FGF10: variants seen among roughly 807,000 people sequenced by gnomAD.
FGF10 encodes the protein fibroblast growth factor 10, also known as FGF-10.
Under a neutral mutation model 19.8 loss-of-function variants are expected in FGF10, and 2 were observed. The ratio of observed to expected loss-of-function variants is 0.10; its 90% CI spans 0.04 to 0.32. The LOEUF (loss-of-function observed/expected upper bound fraction) is 0.32, where lower values mean the gene tolerates loss of function less well. Ranked by LOEUF, FGF10 falls within the 10% of genes least tolerant of loss-of-function variation. FGF10 has a pLI of 1.00. For synonymous variants in FGF10, 112 were observed against 94.0 expected, an observed-to-expected ratio of 1.19 and a Z score of -1.10; for missense variants, 191 against 246.3, an observed-to-expected ratio of 0.78 and a Z score of 1.50.
At chr5:44,387,488 A>G (rs958835589) in intron 1 of FGF10, among the ~76,000 whole-genome samples, 4 of 152,202 alleles carry the variant, frequency 2.6e-5, no homozygotes, top group African/African-American at 9.6e-5. Flanking sequence ...AAAGAATGAC[A>G]ATGAAATTTG....
rs1742175660 is a variant in FGF10, at chr5:44,388,912, C to G, written c.-230G>C. 2 of 593,432 alleles carry G rather than the reference C, an allele frequency of 3.4e-6. No individual in the cohort carries two copies. The highest frequency in any genetic ancestry group is 6.1e-6 in the Non-Finnish European group (2 of 329,764). 36.8% of individuals were successfully genotyped at this position (593,432 alleles called of 1,614,324 possible). ...CGCTGCCTACGCCTCTGGAGCCTCC[C>G]GGTAAATGGTGGACGTGGGTGGCCG... On this transcript the variant is annotated 5_prime_UTR_variant, in exon 1 of 3. Transcript: ENST00000264664.
chr5:44,382,965 A>G (rs1418026315), intron 1 of FGF10, among the ~76,000 whole-genome samples: 1 of 152,150 alleles, frequency 6.6e-6, no homozygotes, highest in Non-Finnish European at 1.5e-5. Context: ...GTTAAGATAG[A>G]TTAAAATCAC....
At chr5:44,321,349 A>G (rs1258308137) in intron 1 of FGF10, among the ~76,000 whole-genome samples, 2 of 152,204 alleles carry the variant, frequency 1.3e-5, no homozygotes, top group Non-Finnish European at 2.9e-5. Context: ...GATGTTGACA[A>G]GGCAACAATG....
intron 1 of FGF10, among the ~76,000 whole-genome samples, chr5:44,348,773 A>C (rs1345342444): frequency 6.6e-6 from 1 of 151,614 alleles, no homozygotes; most frequent in African/African-American, 2.4e-5. Context: ...ATTGGAAGCC[A>C]TTTAATAGAA....
At chr5:44,316,155 C>T (rs1740344456) in intron 1 of FGF10, among the ~76,000 whole-genome samples, 1 of 152,136 alleles carries the variant, frequency 6.6e-6, no homozygotes, top group Non-Finnish European at 1.5e-5. Flanking sequence ...ATCTAGGTTG[C>T]ACACTCCATA....
intron 1 of FGF10, among the ~76,000 whole-genome samples, chr5:44,357,564 G>C (rs1291144350): frequency 1.3e-5 from 2 of 151,418 alleles, no homozygotes; most frequent in African/African-American, 4.8e-5. Context: ...ACATTTTACT[G>C]AGAGGTAATA....
chr5:44,373,633 T>C (rs1741791904), intron 1 of FGF10, among the ~76,000 whole-genome samples: 1 of 152,124 alleles, frequency 6.6e-6, no homozygotes, highest in African/African-American at 2.4e-5. Context: ...AATAACATAT[T>C]CTTAATTTCC....
At chr5:44,388,208 G>T (rs989502887) in intron 1 of FGF10, 150 bp downstream of exon 1, 4 of 783,270 alleles carry the variant, frequency 5.1e-6, no homozygotes, top group East Asian at 2.6e-5. Flanking sequence ...GGGGTTGGGG[G>T]GTGAATTAGT....
intron 1 of FGF10, among the ~76,000 whole-genome samples, chr5:44,369,554 C>T (rs900379): frequency 0.53 from 81,113 of 152,012 alleles, 23,805 homozygotes; most frequent in Non-Finnish European, 0.67. Context: ...AGCTCTTCCT[C>T]ATAAATAGCA....
chr5:44,305,133 G>C lies in FGF10; in HGVS notation c.489C>G (p.Thr163=), dbSNP rs755749426. ...KERIEENGYN[T]YASFNWQHNG... is the part of the protein sequence containing the mutation. ...TATGCTGCCAGTTAAATGATGCATA[G>C]GTATTGTATCCATTTTCCTCTATCC... Residue 163 remains threonine, a synonymous_variant, in exon 3 of 3, where the codon ACC becomes ACG. Coordinates refer to ENST00000264664, the MANE Select transcript of FGF10 (RefSeq NM_004465.2). 1.2e-6 allele frequency: 2 copies of C among 1,613,842 alleles called. No individual in the cohort carries two copies. The highest frequency in any genetic ancestry group is 2.2e-5 in the South Asian group (2 of 91,076).
At chr5:44,353,817 TC>T (rs1741287469) in intron 1 of FGF10, among the ~76,000 whole-genome samples, 1 of 151,464 alleles carries the variant, frequency 6.6e-6, no homozygotes, top group African/African-American at 2.4e-5. Context: ...CGGGGGCTCT[TC>T]TTTTCTCTGC....
intron 1 of FGF10, among the ~76,000 whole-genome samples, chr5:44,376,490 CAAAAAAAAAAAAA>C (rs764913349): frequency 3.8e-4 from 13 of 34,542 alleles, no homozygotes; most frequent in South Asian, 1.8e-3. Context: ...ATACAAATGC[CAAAAAAAAAAAAA>C]AAAAAAAAAA....
chr5:44,377,766 A>G (rs1054859575), intron 1 of FGF10, among the ~76,000 whole-genome samples: 3 of 152,240 alleles, frequency 2.0e-5, no homozygotes, highest in Admixed American at 1.3e-4. Flanking sequence ...ATAATGTGAT[A>G]TCTTGGGGAT....
intron 1 of FGF10, among the ~76,000 whole-genome samples, chr5:44,369,142 G>A (rs1005125015): frequency 1.3e-5 from 2 of 152,004 alleles, no homozygotes; most frequent in Admixed American, 6.6e-5. Context: ...AAACACCCAA[G>A]GTGGACAGAG....
At chr5:44,374,464 C>A (rs1479030922) in intron 1 of FGF10, among the ~76,000 whole-genome samples, 1 of 152,142 alleles carries the variant, frequency 6.6e-6, no homozygotes, top group Non-Finnish European at 1.5e-5. Flanking sequence ...AATATAGGTA[C>A]ACTCCAGGAA....
chr5:44,378,648 G>A (rs1486914136), intron 1 of FGF10, among the ~76,000 whole-genome samples: 1 of 152,124 alleles, frequency 6.6e-6, no homozygotes, highest in Non-Finnish European at 1.5e-5. Context: ...AGCCAGGATG[G>A]TCTTGATCTC....
chr5:44,344,726 A>C (rs760207910), intron 1 of FGF10, among the ~76,000 whole-genome samples: 5 of 151,712 alleles, frequency 3.3e-5, no homozygotes, highest in Non-Finnish European at 7.4e-5. Context: ...TGCTAATAAT[A>C]ACTAAGTTTC....
chr5:44,373,765 A>T (rs181367327), intron 1 of FGF10, among the ~76,000 whole-genome samples: 51 of 152,210 alleles, frequency 3.4e-4, no homozygotes, highest in African/African-American at 1.1e-3. Flanking sequence ...CCTCCTCCTA[A>T]ATCCTCACCT....
At chr5:44,366,393 A>C (rs1259708952) in intron 1 of FGF10, among the ~76,000 whole-genome samples, 1 of 151,932 alleles carries the variant, frequency 6.6e-6, no homozygotes, top group Non-Finnish European at 1.5e-5. Context: ...TAACTCAGAC[A>C]TGGCAACATT....
Sources: gnomAD v4.1 joint callset for allele counts (sites outside exome capture counted in the v4.1 genomes callset) on GRCh38, gnomAD v4.1.1 for gene constraint, MANE v1.5 for transcripts, NCBI Gene and HGNC (gene_info 2026-07-23, HGNC 2026-07-21) for gene names.